Variants in PGK1 observed in about 807,000 individuals in gnomAD.
The protein encoded by PGK1 is PRP 2.
A neutral mutation model predicts 26.9 loss-of-function variants in PGK1; 3 were observed. The observed-to-expected ratio is 0.11, with a 90% CI of 0.05 to 0.29. The LOEUF is 0.29. Among genes scored for constraint, PGK1 ranks in the 10% least tolerant of loss-of-function variants. The pLI, the probability that PGK1 is intolerant of heterozygous loss-of-function variation, is 1.00. For synonymous variants in PGK1, 125 were observed against 115.3 expected (o/e 1.08, Z -0.54); for missense variants, 270 against 314.7 (o/e 0.86, Z 1.07).
chrX:78,104,550 C>A, intron 1 of PGK1, 145 bp downstream of exon 1: 1 of 542,521 alleles, frequency 1.8e-6, no homozygotes, highest in South Asian at 2.5e-5. Context: ...CGAGGCTGCT[C>A]ACGGGTTTGG....
chrX:78,118,930 G>A (rs1449659780), intron 6 of PGK1, among the ~76,000 whole-genome samples: 1 of 111,697 alleles, frequency 9.0e-6, no homozygotes, highest in Non-Finnish European at 1.9e-5. Context: ...AAGCCAGAGC[G>A]CAAGAAAGCT....
intron 2 of PGK1, 61 bp from the exon 3 acceptor site, chrX:78,113,683 C>T: frequency 9.6e-7 from 1 of 1,042,145 alleles, no homozygotes; most frequent in South Asian, 1.9e-5. Flanking sequence ...TATCAATAAG[C>T]TAGTTCCCAC....
rs1557247570 is a variant in PGK1, at chrX:78,117,428, T to A, written c.521+13T>A. The A allele has an allele frequency of 1.0e-6, 1 of 1,003,528 alleles. No individual in the cohort carries two copies. The highest frequency in any genetic ancestry group is 2.2e-5 in the Admixed American group (1 of 45,814). The allele number at this position is 1,003,528 out of a possible 1,213,427, so 82.7% of individuals were successfully genotyped here. A position where few individuals can be genotyped will look rare whatever the true frequency, so the allele number is the denominator to read the frequency against. On this transcript the variant is annotated intron_variant, in intron 5 of 10. Coordinates refer to ENST00000373316, the MANE Select transcript of PGK1 (RefSeq NM_000291.4). ...ACAGAGCCCACAGGTACCAAGAACC[T>A]TGTAGACTACCACACTGAGAACAGT...
intron 1 of PGK1, 27 bp from the exon 2 acceptor site, chrX:78,109,840 T>A: frequency 9.0e-7 from 1 of 1,111,421 alleles, no homozygotes; most frequent in Non-Finnish European, 1.2e-6. Flanking sequence ...AGTAAGTTGA[T>A]CATGGTCTTG....
intron 6 of PGK1, among the ~76,000 whole-genome samples, chrX:78,119,073 TTATAACCTGGCAGGGTATAACTA>T (rs1569550858): frequency 8.1e-5 from 9 of 111,373 alleles, no homozygotes; most frequent in African/African-American, 2.0e-4. Context: ...TGCTTGAGCC[TTATAACCTGGCAGGGTATAACTA>T]TATAACCTGG....
Position 78,126,008 on chromosome X carries a change from G to T in PGK1, c.*178G>T. The T allele has an allele frequency of 4.0e-6, 2 of 498,139 alleles. No homozygotes were observed. The highest frequency in any genetic ancestry group is 7.2e-6 in the Non-Finnish European group (2 of 277,925). The allele number at this position is 498,139 out of a possible 1,213,427, so 41.1% of individuals were successfully genotyped here. On this transcript the variant is annotated 3_prime_UTR_variant, in exon 11 of 11. Coordinates refer to ENST00000373316, the MANE Select transcript of PGK1 (RefSeq NM_000291.4). ...TCTCAGCTCATCTTCACTGCACCCTGGATTTGCATACATTCTTCAAGATCC... is the reference window on the plus strand; with the variant it reads ...TCTCAGCTCATCTTCACTGCACCCTTGATTTGCATACATTCTTCAAGATCC...
intron 6 of PGK1, among the ~76,000 whole-genome samples, chrX:78,119,113 A>G (rs1557247760): frequency 9.0e-6 from 1 of 111,479 alleles, no homozygotes; most frequent in African/African-American, 3.3e-5. Flanking sequence ...CTGGCAGGGT[A>G]TAACCATATA....
chrX:78,123,920 A>G (rs2078369865), intron 8 of PGK1, among the ~76,000 whole-genome samples: 1 of 111,003 alleles, frequency 9.0e-6, no homozygotes, highest in African/African-American at 3.3e-5. Context: ...TTTTAGTTTT[A>G]TCTGTTTTTT....
chrX:78,113,536 G>A (rs1300127094), intron 2 of PGK1, among the ~76,000 whole-genome samples: 1 of 111,719 alleles, frequency 9.0e-6, no homozygotes, highest in Non-Finnish European at 1.9e-5. Context: ...TGTGAAAGGG[G>A]CAGATACATA....
Position 78,105,579 on chromosome X carries a change from T to C in PGK1, c.65+1174T>C, listed in dbSNP as rs148078745. Among the ~76,000 whole-genome samples the C allele has an allele frequency of 4.7e-3, 525 of 111,594 alleles. 11 individuals carry two copies. The highest frequency in any genetic ancestry group is 0.032 in the Admixed American group (341 of 10,497). ...CAGACACGTAAGTCAGTAGGAGATC[T>C]CCCTTTACTCTAACTTTAAACATAT... On this transcript the variant is annotated intron_variant, in intron 1 of 10. Transcript: ENST00000373316.
At chrX:78,114,416 A>C (rs2078316657) in intron 4 of PGK1, among the ~76,000 whole-genome samples, 1 of 111,910 alleles carries the variant, frequency 8.9e-6, no homozygotes. Context: ...TTTGAAAAAT[A>C]TGTGAACACC....
chrX:78,106,470 T>C (rs1418747254), intron 1 of PGK1: 12 of 751,567 alleles, frequency 1.6e-5, no homozygotes, highest in African/African-American at 2.3e-5. Context: ...CCTACTTTTT[T>C]GGAGGTGCTT....
At position 78,124,985 on chromosome X, in the gene PGK1, C is replaced by T. The variant is rs183087139; in HGVS notation, c.1048C>T (p.Arg350Trp). 1.6e-4 allele frequency: 197 copies of T among 1,208,134 alleles called. No individual in the cohort carries two copies. The Admixed American group carries it at 2.3e-3, about 14-fold the overall frequency. The change falls in exon 9 of 11, where the codon CGG becomes TGG. Residue 350 changes from arginine to tryptophan, a missense_variant. Physicochemically the swap from Arg to Trp is moderately radical, Grantham distance 101. Around this residue, in one of 3 missense-constraint regions of PGK1, gnomAD observed 103 missense variants for 114.6 expected, o/e 0.90. Transcript: ENST00000373316. Reference sequence around the variant, plus strand: ...GGTATTTGAATGGGAAGCTTTTGCCCGGGGAACCAAAGCTCTCATGGATGA... The same window carrying T: ...GGTATTTGAATGGGAAGCTTTTGCCTGGGGAACCAAAGCTCTCATGGATGA... Reference protein sequence around the residue: ...VGVFEWEAFARGTKALMDEVV... With the variant: ...VGVFEWEAFAWGTKALMDEVV...
Position 78,129,267 on chromosome X carries a change from A to G in PGK1, c.*3437A>G, listed in dbSNP as rs1181105750. ...TATCTATCTATCTATCTATCTGTAT[A>G]TAGATATATTAAAATGTAAATGGTG... On this transcript the variant is annotated 3_prime_UTR_variant, in exon 11 of 11. Transcript: ENST00000373316. The G allele has an allele frequency of 9.3e-6, 1 of 108,005 alleles. No individual in the cohort carries two copies. The highest frequency in any genetic ancestry group is 3.3e-5 in the African/African-American group (1 of 29,947). 8.9% of individuals were successfully genotyped at this position (108,005 alleles called of 1,213,427 possible). A position where few individuals can be genotyped will look rare whatever the true frequency, so the allele number is the denominator to read the frequency against.
At chrX:78,124,810 G>T in intron 8 of PGK1, 64 bp from the exon 9 acceptor site, 1 of 964,062 alleles carries the variant, frequency 1.0e-6, no homozygotes, top group Non-Finnish European at 1.5e-6. Context: ...TCTGGTCTTG[G>T]TGGAGGTGGT....
At chrX:78,112,184 T>G (rs1436729906) in intron 2 of PGK1, among the ~76,000 whole-genome samples, 1 of 111,727 alleles carries the variant, frequency 9.0e-6, no homozygotes, top group East Asian at 2.8e-4. Context: ...TGGTTTGTTT[T>G]TTTTCTGTAT....
chrX:78,123,102 A>G (rs1482446854), intron 7 of PGK1, 93 bp from the exon 8 acceptor site: 7 of 770,587 alleles, frequency 9.1e-6, no homozygotes, highest in Non-Finnish European at 1.4e-5. Flanking sequence ...TTGTTCCTTT[A>G]TATTGTATTG....
At chrX:78,105,232 C>T (rs112181212) in intron 1 of PGK1, among the ~76,000 whole-genome samples, 1,587 of 112,189 alleles carry the variant, frequency 0.014, 25 homozygotes, top group African/African-American at 0.048. Flanking sequence ...CACGGTTTCT[C>T]TCTTATCTGC....
intron 2 of PGK1, 36 bp downstream of exon 2, chrX:78,109,953 A>G: frequency 4.4e-6 from 4 of 916,190 alleles, no homozygotes; most frequent in Non-Finnish European, 6.4e-6. Context: ...TGGGTTTAAG[A>G]TGTGTGTAGG....
Sources: gnomAD v4.1 joint callset for allele counts (sites outside exome capture counted in the v4.1 genomes callset) on GRCh38, gnomAD v4.1.1 for gene constraint, gnomAD v4.1.1 regional missense constraint, MANE v1.5 for transcripts, NCBI Gene and HGNC (gene_info 2026-07-23, HGNC 2026-07-21) for gene names.